The following SETD1B variants were observed in gnomAD, a reference collection of about 807,000 sequenced individuals.
SETD1B encodes SET domain containing 1B, histone lysine methyltransferase, also known as histone-lysine N-methyltransferase SETD1B.
In SETD1B, 7 loss-of-function variants were observed where a neutral mutation model predicts 148.0. The ratio of observed to expected loss-of-function variants is 0.05; its 90% CI spans 0.03 to 0.09. The LOEUF is 0.09. Among genes scored for constraint, SETD1B ranks in the 10% least tolerant of loss-of-function variants. The pLI, the probability that SETD1B is intolerant of heterozygous loss-of-function variation, is 1.00. For synonymous variants in SETD1B, 1,361 were observed against 1,186.5 expected, an observed-to-expected ratio of 1.15 and a Z score of -3.02; for missense variants, 2,155 against 2,729.9, an observed-to-expected ratio of 0.79 and a Z score of 4.69.
In SETD1B at chr12:121,807,169, C is replaced by T. The variant is rs145720166; in HGVS notation, c.545-1039C>T. The stretch of plus-strand genomic sequence containing the variant: ...TATTGACCGAGCTCTAAGCCGGTGC[C>T]GGGGGGTGGTGGCAGTTATTCCACG... On this transcript the variant is annotated intron_variant, in intron 4 of 16. Coordinates refer to ENST00000604567, the MANE Select transcript of SETD1B (RefSeq NM_001353345.2). Among the ~76,000 whole-genome samples the T allele has an allele frequency of 5.3e-3, 807 of 152,168 alleles. 11 individuals carry two copies. Among genetic ancestry groups the T allele is most frequent in the African/African-American group, 0.017 (721 of 41,532 alleles).
chr12:121,809,026 C>T lies in SETD1B; in HGVS notation c.658-577C>T, dbSNP rs142999655. Among the ~76,000 whole-genome samples, 717 of 152,304 alleles carry T rather than the reference C, an allele frequency of 4.7e-3. 5 individuals are homozygous for T. The highest frequency in any genetic ancestry group is 0.017 in the African/African-American group (688 of 41,554). ...CTGGGATTACAGGCACACGCCACCA[C>T]ACCTGGCTAATTTTTATATTTTTGG... On this transcript the variant is annotated intron_variant, in intron 5 of 16. Transcript: ENST00000604567.
In SETD1B at chr12:121,823,342, C is replaced by A; in HGVS notation, c.4763C>A (p.Pro1588His). 3.4e-6 allele frequency: 4 copies of A among 1,187,228 alleles called. No homozygotes were observed. The highest frequency in any genetic ancestry group is 1.6e-5 in the African/African-American group (1 of 63,794). 73.5% of individuals were successfully genotyped at this position (1,187,228 alleles called of 1,614,324 possible). Reference sequence around the variant, plus strand: ...CCAGCCCCTCCACCACCCCTTCCCCCCCAGCCACCCCCACCCCCACCTCCC... The same window carrying A: ...CCAGCCCCTCCACCACCCCTTCCCCACCAGCCACCCCCACCCCCACCTCCC... ...GIPAPPPPLP[P>H]QPPPPPPPPP... The change falls in exon 12 of 17, where the codon CCC becomes CAC. Residue 1588 changes from proline (P) to histidine (H), a missense_variant. Pro to His is a moderately conservative substitution (Grantham distance 77). Around this residue, in one of 11 missense-constraint regions of SETD1B, gnomAD observed 862 missense variants for 873.8 expected, o/e 0.99. Transcript: ENST00000604567.
the SETD1B span, chr12:121,797,240 GC>G: frequency 5.5e-6 from 2 of 360,428 alleles, no homozygotes; most frequent in South Asian, 2.1e-5. Flanking sequence ...GGGCGGAGAG[GC>G]CGGAAGAGGC....
At position 121,817,321 on chromosome 12, in the gene SETD1B, C is replaced by A; in HGVS notation, c.2977+27C>A. 1 of 1,543,072 alleles carries A rather than the reference C, an allele frequency of 6.5e-7. No homozygotes were observed. On this transcript the variant is annotated intron_variant, in intron 8 of 16. Coordinates refer to ENST00000604567, the MANE Select transcript of SETD1B (RefSeq NM_001353345.2). The surrounding 1 kb of genome is among the most constrained non-coding windows in gnomAD (Gnocchi z 8.1). ...TTCGTGCTCTGGGTGCTGGGGTCCCCTTCTTCCGCATCCCCCCAGCCCAGC... is the reference window on the plus strand; with the variant it reads ...TTCGTGCTCTGGGTGCTGGGGTCCCATTCTTCCGCATCCCCCCAGCCCAGC...
chr12:121,823,044 G>A lies in SETD1B; in HGVS notation c.4465G>A (p.Val1489Ile), dbSNP rs1294166078. The change falls in exon 12 of 17, where the codon GTC becomes ATC. Residue 1489 changes from valine to isoleucine, a missense_variant. By Grantham distance (29) the Val-to-Ile change is conservative. Transcript: ENST00000604567. ...PLPLPLALPA[V>I]LRAQARAPTP... ...GCCCTTGCCCTTGGCATTGCCCGCCGTCTTGCGGGCCCAGGCTCGTGCGCC... is the reference window on the plus strand; with the variant it reads ...GCCCTTGCCCTTGGCATTGCCCGCCATCTTGCGGGCCCAGGCTCGTGCGCC... The A allele has an allele frequency of 2.1e-5, 32 of 1,503,904 alleles. No homozygotes were observed. Among genetic ancestry groups the A allele is most frequent in the Middle Eastern group, 1.7e-4 (1 of 5,774 alleles). The allele number at this position is 1,503,904 out of a possible 1,614,324, so 93.2% of individuals were successfully genotyped here.
At chr12:121,820,106 G>A (rs2137572672) in intron 11 of SETD1B, among the ~76,000 whole-genome samples, 1 of 152,336 alleles carries the variant, frequency 6.6e-6, no homozygotes, top group Middle Eastern at 3.4e-3. Flanking sequence ...AACCCAAAGG[G>A]GAACGACTGC....
Position 121,809,616 on chromosome 12 carries a change from T to C in SETD1B, c.671T>C (p.Leu224Pro), listed in dbSNP as rs1012341996. The part of the protein sequence containing the change: ...VNETLQLSDA[L>P]KRLKDGGLSA... ...GTCTCTCCTTAGCTGTCAGATGCCC[T>C]GAAGCGCCTCAAGGATGGAGGCCTG... Residue 224 changes from leucine to proline, a missense_variant, in exon 6 of 17, where the codon CTG (leucine) becomes CCG (proline). Around this residue, in one of 11 missense-constraint regions of SETD1B, gnomAD observed 124 missense variants for 282.9 expected, o/e 0.44. Transcript: ENST00000604567. 2.6e-6 allele frequency: 4 copies of C among 1,549,052 alleles called. No homozygotes were observed. The African/African-American group carries it at 4.1e-5, about 16-fold the overall frequency.
intron 16 of SETD1B, among the ~76,000 whole-genome samples, chr12:121,828,458 G>A (rs148619267): frequency 1.6e-3 from 240 of 151,898 alleles, no homozygotes; most frequent in African/African-American, 5.5e-3. Flanking sequence ...GGTGCACTGC[G>A]TGCATCTGTG....
chr12:121,816,173 A>G (rs1876284380), intron 7 of SETD1B, among the ~76,000 whole-genome samples: 1 of 151,954 alleles, frequency 6.6e-6, no homozygotes, highest in Admixed American at 6.5e-5. Context: ...GCAATCTTAC[A>G]GGTAATCTAA....
rs1875619963 is a variant in SETD1B at position 121,804,609 on chromosome 12, C to A, written c.-14-115C>A. 7.2e-6 allele frequency: 6 copies of A among 830,770 alleles called. No homozygotes were observed. Among genetic ancestry groups the A allele is most frequent in the Non-Finnish European group, 1.1e-5 (6 of 542,338 alleles). The allele number at this position is 830,770 out of a possible 1,614,324, so 51.5% of individuals were successfully genotyped here. ...GCCAGCGAGACAGCTCCTTTCGGGG[C>A]GCGCTGGCAAGGTGGGAGGGGGTGG... On this transcript the variant is annotated intron_variant, in intron 1 of 16. Coordinates refer to ENST00000604567, the MANE Select transcript of SETD1B (RefSeq NM_001353345.2). The surrounding 1 kb of genome is among the most constrained non-coding windows in gnomAD (Gnocchi z 4.6).
chr12:121,793,639 G>T, the SETD1B span: 2 of 1,533,046 alleles, frequency 1.3e-6, no homozygotes, highest in African/African-American at 1.4e-5. Flanking sequence ...TCCATTGCCC[G>T]GAGCCCGCAG....
rs1206847816 is a variant in SETD1B at position 121,823,589 on chromosome 12, G to A, written c.5010G>A (p.Arg1670=). The change falls in exon 12 of 17, where the codon CGG becomes CGA. Residue 1670 remains arginine, a synonymous_variant. Coordinates refer to ENST00000604567, the MANE Select transcript of SETD1B (RefSeq NM_001353345.2). The part of the protein sequence containing the change: ...PELSPPQPLF[R]PRSEFEEMTI... ...TCTCGCCACCCCAGCCCCTCTTCCG[G>A]CCCCGCTCGGAGTTTGAGGAGATGA... The A allele has an allele frequency of 6.4e-7, 1 of 1,551,300 alleles. No individual in the cohort carries two copies. Among genetic ancestry groups the A allele is most frequent in the East Asian group, 2.4e-5 (1 of 40,916 alleles).
chr12:121,808,538 C>T lies in SETD1B; in HGVS notation c.657+218C>T, dbSNP rs1346230137. The stretch of plus-strand genomic sequence containing the variant: ...TTTCCCAAGTGCTCCTGCAGTAGGG[C>T]TCCATGGGATTGGTTCTGTTTCCTG... On this transcript the variant is annotated intron_variant, in intron 5 of 16. Transcript: ENST00000604567. The surrounding 1 kb of genome is among the most constrained non-coding windows in gnomAD (Gnocchi z 5.3). Among the ~76,000 whole-genome samples, 2 of 152,256 alleles carry T rather than the reference C, an allele frequency of 1.3e-5. No homozygotes were observed. The highest frequency in any genetic ancestry group is 2.9e-5 in the Non-Finnish European group (2 of 68,046).
chr12:121,806,184 AG>A, intron 4 of SETD1B, 79 bp downstream of exon 4: 1 of 1,465,520 alleles, frequency 6.8e-7, no homozygotes, highest in Non-Finnish European at 9.2e-7. Flanking sequence ...CAGCGTGGGG[AG>A]GACCCCCCCT....
At position 121,830,330 on chromosome 12, in the gene SETD1B, G is replaced by A. The variant is rs918604712; in HGVS notation, c.*91G>A. On this transcript the variant is annotated 3_prime_UTR_variant, in exon 17 of 17. Coordinates refer to ENST00000604567, the MANE Select transcript of SETD1B (RefSeq NM_001353345.2). The surrounding 1 kb of genome is among the most constrained non-coding windows in gnomAD (Gnocchi z 5.7). ...CCCCGGGGCCCGGCCCCCCGCGCCC[G>A]CCCCCATTTCAGGTGCTGTCCTCTA... 1.1e-4 allele frequency: 139 copies of A among 1,295,850 alleles called. No individual in the cohort carries two copies. In the Admixed American group the frequency reaches 1.4e-3, roughly 13 times the overall value. 80.3% of individuals were successfully genotyped at this position (1,295,850 alleles called of 1,614,324 possible). A position where few individuals can be genotyped will look rare whatever the true frequency, so the allele number is the denominator to read the frequency against.
Position 121,831,541 on chromosome 12 carries a change from G to A in SETD1B, c.*1302G>A, listed in dbSNP as rs1877093086. 6.6e-6 allele frequency: 1 copy of A among 151,634 alleles called. No homozygotes were observed. The highest frequency in any genetic ancestry group is 1.5e-5 in the Non-Finnish European group (1 of 67,952). 9.4% of individuals were successfully genotyped at this position (151,634 alleles called of 1,614,324 possible). The stretch of plus-strand genomic sequence containing the variant: ...CCAACTTCTGTATATAGAGGCTGCC[G>A]CAAAGGACTTTCTCTTGGGAACATT... On this transcript the variant is annotated 3_prime_UTR_variant, in exon 17 of 17. Coordinates refer to ENST00000604567, the MANE Select transcript of SETD1B (RefSeq NM_001353345.2).
rs747773569 is a variant in SETD1B, at chr12:121,810,345, G to T, written c.1400G>T (p.Arg467Leu). The T allele has an allele frequency of 1.3e-6, 2 of 1,546,296 alleles. No individual in the cohort carries two copies. Among genetic ancestry groups the T allele is most frequent in the Admixed American group, 2.0e-5 (1 of 50,976 alleles). ...PDTNSMELGG[R>L]PTFGWSPEPC... The stretch of plus-strand genomic sequence containing the variant: ...ACCAACAGCATGGAGCTGGGCGGCC[G>T]GCCCACCTTCGGCTGGAGTCCTGAG... Residue 467 changes from arginine to leucine, a missense_variant, in exon 6 of 17, where the codon CGG (arginine) becomes CTG (leucine). Physicochemically the swap from Arg to Leu is moderately radical, Grantham distance 102 (BLOSUM62 -2). Around this residue, in one of 11 missense-constraint regions of SETD1B, gnomAD observed 376 missense variants for 385.0 expected, o/e 0.98. Transcript: ENST00000604567. The surrounding 1 kb of genome is among the most constrained non-coding windows in gnomAD (Gnocchi z 7.6).
rs551959015 is a variant in SETD1B at position 121,817,920 on chromosome 12, G to A, written c.3418+16G>A. 34 of 1,520,658 alleles carry A rather than the reference G, an allele frequency of 2.2e-5. No homozygotes were observed. In the South Asian group the frequency reaches 3.5e-4, roughly 16 times the overall value. 94.2% of individuals were successfully genotyped at this position (1,520,658 alleles called of 1,614,324 possible). A position where few individuals can be genotyped will look rare whatever the true frequency, so the allele number is the denominator to read the frequency against. On this transcript the variant is annotated intron_variant, in intron 10 of 16. Transcript: ENST00000604567. This position sits in a 1 kb window ranked among gnomAD's most constrained non-coding sequence, Gnocchi z 8.1. The stretch of plus-strand genomic sequence containing the variant: ...TCGGATGAAGGTGAGCAGGGAGGCC[G>A]TGGCTGCCTGGCCCTCCCGGAGTCC...
At chr12:121,827,685 C>T (rs368531784) in intron 14 of SETD1B, 35 bp downstream of exon 14, 34 of 1,551,352 alleles carry the variant, frequency 2.2e-5, no homozygotes, top group Admixed American at 1.2e-4. Context: ...GCCGGGGTGG[C>T]GGCAGGACCT....
Sources: allele counts gnomAD v4.1 joint callset (sites outside exome capture counted in the v4.1 genomes callset), GRCh38; gene constraint gnomAD v4.1.1; regional missense constraint gnomAD v4.1.1; non-coding constraint Gnocchi (gnomAD v3.1); transcripts MANE v1.5; gene names NCBI Gene and HGNC (gene_info 2026-07-23, HGNC 2026-07-21).